The following REV1 variants were observed in gnomAD, a reference collection of about 807,000 sequenced individuals.
The protein encoded by REV1 is translesion synthesis protein REV1.
Under a neutral mutation model 137.4 loss-of-function variants are expected in REV1, and 42 were observed. The observed-to-expected ratio is 0.31, with a 90% CI of 0.24 to 0.40. The LOEUF is 0.40. REV1 is among the 10% of genes least tolerant of loss of function. The pLI is 1.00. For missense variants in REV1, 1,282 were observed against 1,490.1 expected (o/e 0.86, Z 2.30); for synonymous variants, 524 against 519.2 (o/e 1.01, Z -0.12).
intron 1 of REV1, among the ~76,000 whole-genome samples, chr2:99,471,697 C>A (rs1382656845): frequency 6.6e-6 from 1 of 151,686 alleles, no homozygotes; most frequent in African/African-American, 2.4e-5. Context: ...AGAACTCCTA[C>A]CATAAACTGT....
At chr2:99,462,752 T>C (rs562698191) in intron 2 of REV1, 130 bp from the exon 3 acceptor site, 2 of 931,588 alleles carry the variant, frequency 2.1e-6, no homozygotes, top group African/African-American at 1.7e-5. Context: ...AACATAATGA[T>C]GACCTCATAA....
At chr2:99,407,868 G>A (rs1372286729) in intron 15 of REV1, among the ~76,000 whole-genome samples, 161 bp downstream of exon 15, 1 of 152,136 alleles carries the variant, frequency 6.6e-6, no homozygotes, top group Non-Finnish European at 1.5e-5. Context: ...CAAAATGGAG[G>A]AAGTCAAGAA....
intron 1 of REV1, among the ~76,000 whole-genome samples, chr2:99,489,410 C>T (rs551975691): frequency 6.6e-6 from 1 of 151,898 alleles, no homozygotes; most frequent in Non-Finnish European, 1.5e-5. Context: ...AACTGAATGG[C>T]CGGCCGAGGC....
In REV1 at chr2:99,412,137, G is replaced by A. The variant is rs536518250; in HGVS notation, c.2172+594C>T. 2.1e-3 allele frequency among the ~76,000 whole-genome samples: 320 copies of A among 151,710 alleles called. 3 individuals carry two copies. Among genetic ancestry groups the A allele is most frequent in the African/African-American group, 7.4e-3 (307 of 41,338 alleles). On this transcript the variant is annotated intron_variant, in intron 13 of 22. Transcript: ENST00000258428. Reference sequence around the variant, plus strand: ...AATCCCAGCTACTTGGGAGGCTGAGGCAGGAGAATCTCTTGAATCTGGGAA... The same window carrying A: ...AATCCCAGCTACTTGGGAGGCTGAGACAGGAGAATCTCTTGAATCTGGGAA...
rs1044275585 is a variant in REV1, at chr2:99,489,916, G to A, written c.-110C>T. 3 of 150,014 alleles carry A rather than the reference G, an allele frequency of 2.0e-5. No homozygotes were observed. The highest frequency in any genetic ancestry group is 3.0e-5 in the Non-Finnish European group (2 of 67,274). 9.3% of individuals were successfully genotyped at this position (150,014 alleles called of 1,614,324 possible). A position where few individuals can be genotyped will look rare whatever the true frequency, so the allele number is the denominator to read the frequency against. ...CGCCAGTGCCCTCGCCAGGGACCAG[G>A]GAGGAGGGCCGGGGGAAGGCAGCCC... On this transcript the variant is annotated 5_prime_UTR_variant, in exon 1 of 23. Coordinates refer to ENST00000258428, the MANE Select transcript of REV1 (RefSeq NM_016316.4).
At chr2:99,470,984 T>A (rs572326762) in intron 1 of REV1, among the ~76,000 whole-genome samples, 2 of 152,310 alleles carry the variant, frequency 1.3e-5, no homozygotes, top group South Asian at 4.1e-4. Flanking sequence ...GTAATAGTTA[T>A]CTAAGAAATA....
intron 8 of REV1, among the ~76,000 whole-genome samples, chr2:99,431,527 CAACT>C (rs144177577): frequency 0.032 from 4,906 of 152,238 alleles, 201 homozygotes; most frequent in African/African-American, 0.097. Flanking sequence ...CAGCCACAAC[CAACT>C]GTCTTTCCAA....
intron 1 of REV1, among the ~76,000 whole-genome samples, chr2:99,467,974 A>G (rs1480815513): frequency 6.6e-6 from 1 of 152,156 alleles, no homozygotes; most frequent in Non-Finnish European, 1.5e-5. Context: ...TGAGGCGGGG[A>G]GTTTGAGACC....
At chr2:99,449,254 G>A (rs779977228) in intron 4 of REV1, 82 bp downstream of exon 4, 2 of 838,050 alleles carry the variant, frequency 2.4e-6, no homozygotes, top group Non-Finnish European at 3.2e-6. Context: ...GACAAAGCGA[G>A]ACCCTATCTC....
At chr2:99,419,797 G>C (rs1283639837) in intron 11 of REV1, among the ~76,000 whole-genome samples, 1 of 152,224 alleles carries the variant, frequency 6.6e-6, no homozygotes, top group African/African-American at 2.4e-5. Flanking sequence ...GGGATCTGCA[G>C]AGCTCAGCTG....
intron 4 of REV1, 51 bp from the exon 5 acceptor site, chr2:99,442,520 G>A: frequency 6.5e-7 from 1 of 1,537,538 alleles, no homozygotes; most frequent in East Asian, 2.3e-5. Context: ...GTGACAATGA[G>A]CTTCATGAAA....
At chr2:99,473,126 G>A (rs1367533290) in intron 1 of REV1, among the ~76,000 whole-genome samples, 1 of 152,152 alleles carries the variant, frequency 6.6e-6, no homozygotes, top group African/African-American at 2.4e-5. Context: ...AGTACTTTGG[G>A]AGGCTGAGGT....
chr2:99,482,358 A>G (rs1686692582), intron 1 of REV1, among the ~76,000 whole-genome samples: 1 of 152,218 alleles, frequency 6.6e-6, no homozygotes. Flanking sequence ...TGTAATTCCA[A>G]GAACAGCACT....
At position 99,449,388 on chromosome 2, in the gene REV1, T is replaced by C; in HGVS notation, c.298A>G (p.Ile100Val). ...IIATNLPNAK[I>V]KELKGEKVIR... The stretch of plus-strand genomic sequence containing the variant: ...ACTTTTTCCCCCTTTAATTCTTTAA[T>C]TTTGGCATTGGGAAGATTTGTGGCA... The change falls in exon 4 of 23, where the codon ATT becomes GTT. Residue 100 changes from isoleucine to valine, a missense_variant. This residue lies in a region of REV1 where 107 missense variants were observed against 164.3 expected (regional missense o/e 0.65). Coordinates refer to ENST00000258428, the MANE Select transcript of REV1 (RefSeq NM_016316.4). 1 of 1,570,896 alleles carries C rather than the reference T, an allele frequency of 6.4e-7. No homozygotes were observed.
intron 1 of REV1, among the ~76,000 whole-genome samples, chr2:99,482,990 C>G (rs1206648706): frequency 6.8e-6 from 1 of 146,948 alleles, no homozygotes. Context: ...GCACTCCAGC[C>G]TGGGCGACAA....
intron 4 of REV1, 37 bp from the exon 5 acceptor site, chr2:99,442,506 C>G (rs1374577861): frequency 5.6e-6 from 9 of 1,596,540 alleles, no homozygotes; most frequent in Non-Finnish European, 7.7e-6. Flanking sequence ...GAGTTCCATA[C>G]TTGGTGACAA....
Position 99,401,338 on chromosome 2 carries a change from G to A in REV1, c.3659C>T (p.Ser1220Leu). The A allele has an allele frequency of 1.9e-6, 3 of 1,611,774 alleles. No individual in the cohort carries two copies. The highest frequency in any genetic ancestry group is 2.5e-6 in the Non-Finnish European group (3 of 1,178,428). Residue 1220 changes from serine (S) to leucine (L), a missense_variant, in exon 23 of 23, where the codon TCG (serine) becomes TTG (leucine). Around this residue, in one of 7 missense-constraint regions of REV1, gnomAD observed 43 missense variants for 79.1 expected, o/e 0.54. Transcript: ENST00000258428. The part of the protein sequence containing the change: ...IKYMKRLMQQ[S>L]VESVWNMAFD... ...TGCCATATTCCAAACCGATTCCACC[G>A]ATTGCTGCATCAGCCTAAAGGTGGG... is the stretch of plus-strand genomic sequence containing the variant.
chr2:99,461,598 A>G (rs759711041), intron 3 of REV1, among the ~76,000 whole-genome samples: 25 of 152,362 alleles, frequency 1.6e-4, no homozygotes, highest in Non-Finnish European at 2.9e-4. Flanking sequence ...ACAGCCATTC[A>G]CTTCAAAAAA....
chr2:99,416,436 C>T (rs1482654411), intron 12 of REV1, among the ~76,000 whole-genome samples: 1 of 152,150 alleles, frequency 6.6e-6, no homozygotes. Context: ...ATTTTATAGA[C>T]CTGAAATGTT....
Sources: gnomAD v4.1 joint callset for allele counts (sites outside exome capture counted in the v4.1 genomes callset) on GRCh38, gnomAD v4.1.1 for gene constraint, gnomAD v4.1.1 regional missense constraint, MANE v1.5 for transcripts, NCBI Gene and HGNC (gene_info 2026-07-23, HGNC 2026-07-21) for gene names.